The following TRDN variants were observed in gnomAD, a reference collection of about 807,000 sequenced individuals.
TRDN encodes triadin.
In TRDN, 161 loss-of-function variants were observed where a neutral mutation model predicts 149.7. That is an observed-to-expected ratio of 1.08 (90% CI 0.95 to 1.23). TRDN has a LOEUF of 1.23. Among genes scored for constraint, TRDN ranks in the 50% most tolerant of loss-of-function variants. The probability of loss-of-function intolerance (pLI) is 0.00; values close to 1 mark genes in which losing one functional copy is unlikely to be tolerated. For synonymous variants in TRDN, 294 were observed against 250.5 expected (o/e 1.17, Z -1.64); for missense variants, 896 against 823.5 (o/e 1.09, Z -1.08).
chr6:123,327,159 A>G (rs149609173), intron 23 of TRDN, among the ~76,000 whole-genome samples: 27 of 152,130 alleles, frequency 1.8e-4, no homozygotes, highest in African/African-American at 6.3e-4. Context: ...TCAATGATAC[A>G]TCTGTCATCT....
At chr6:123,434,265 T>C (rs1414466081) in intron 12 of TRDN, among the ~76,000 whole-genome samples, 1 of 152,192 alleles carries the variant, frequency 6.6e-6, no homozygotes, top group African/African-American at 2.4e-5. Context: ...TCCATTTCAC[T>C]CCACTTTCAC....
chr6:123,381,359 C>A lies in TRDN; in HGVS notation c.1186+11G>T, dbSNP rs1476535612. On this transcript the variant is annotated intron_variant, in intron 16 of 40. Coordinates refer to ENST00000334268, the MANE Select transcript of TRDN (RefSeq NM_006073.4). ...AAAAAGTACACAAATACACTGCATG[C>A]ATTTCCTTACTTTTTCCCTTGGGTT... 1.3e-6 allele frequency: 2 copies of A among 1,554,052 alleles called. No homozygotes were observed. Among genetic ancestry groups the A allele is most frequent in the Admixed American group, 1.9e-5 (1 of 51,844 alleles).
chr6:123,499,598 G>A (rs1221706733), intron 8 of TRDN, among the ~76,000 whole-genome samples: 11 of 149,056 alleles, frequency 7.4e-5, no homozygotes, highest in African/African-American at 2.2e-4. Context: ...CAGCTACTCC[G>A]GAGGCTGAGG....
intron 4 of TRDN, among the ~76,000 whole-genome samples, chr6:123,545,231 C>A (rs1428486943): frequency 1.3e-5 from 2 of 151,770 alleles, no homozygotes; most frequent in Non-Finnish European, 2.9e-5. Flanking sequence ...ACATTGCCCC[C>A]AAATTCCTTC....
chr6:123,487,434 A>G (rs1019338066), intron 9 of TRDN, among the ~76,000 whole-genome samples: 1 of 152,024 alleles, frequency 6.6e-6, no homozygotes, highest in African/African-American at 2.4e-5. Flanking sequence ...GGCTTCCTAA[A>G]GTTTACCCTT....
intron 1 of TRDN, among the ~76,000 whole-genome samples, chr6:123,577,675 G>A (rs979552950): frequency 6.6e-6 from 1 of 152,128 alleles, no homozygotes; most frequent in African/African-American, 2.4e-5. Context: ...GGATTGCTGG[G>A]TTGAATGAGT....
intron 24 of TRDN, among the ~76,000 whole-genome samples, chr6:123,307,426 C>T (rs890051369): frequency 1.3e-5 from 2 of 152,056 alleles, no homozygotes; most frequent in Non-Finnish European, 2.9e-5. Context: ...AACATGAAGA[C>T]AGTAAAAATA....
intron 10 of TRDN, among the ~76,000 whole-genome samples, chr6:123,457,370 T>G (rs2114679596): frequency 6.6e-6 from 1 of 152,320 alleles, no homozygotes; most frequent in African/African-American, 2.4e-5. Flanking sequence ...CTGCTTCCTC[T>G]TATGGATAGG....
intron 10 of TRDN, among the ~76,000 whole-genome samples, chr6:123,459,336 G>A (rs2114687234): frequency 6.6e-6 from 1 of 152,296 alleles, no homozygotes. Context: ...GTAAGACAAA[G>A]AGAGAGATCT....
intron 20 of TRDN, among the ~76,000 whole-genome samples, chr6:123,364,264 A>G (rs1781006839): frequency 6.6e-6 from 1 of 152,184 alleles, no homozygotes. Flanking sequence ...TGGATCAGCT[A>G]CCAGGAGTTC....
intron 33 of TRDN, among the ~76,000 whole-genome samples, chr6:123,262,488 C>T (rs527513054): frequency 1.4e-4 from 22 of 151,950 alleles, no homozygotes. Context: ...GATAGGCATT[C>T]CCTCATACAT....
At position 123,302,122 on chromosome 6, in the gene TRDN, C is replaced by T. The variant is rs1308819450; in HGVS notation, c.1510+14335G>A. Reference sequence around the variant, plus strand: ...TTCTCTTGCAGGATCACTATGGGAACTTTTAAATAGATATTATATTTATTC... The same window carrying T: ...TTCTCTTGCAGGATCACTATGGGAATTTTTAAATAGATATTATATTTATTC... On this transcript the variant is annotated intron_variant, in intron 24 of 40. Transcript: ENST00000334268. Among the ~76,000 whole-genome samples the T allele has an allele frequency of 2.0e-5, 3 of 151,228 alleles. No individual in the cohort carries two copies. The Admixed American group carries it at 2.0e-4, about 10-fold the overall frequency.
chr6:123,284,374 A>T (rs1289160543), intron 24 of TRDN, among the ~76,000 whole-genome samples: 1 of 151,942 alleles, frequency 6.6e-6, no homozygotes, highest in East Asian at 1.9e-4. Flanking sequence ...ACAAGTCAAT[A>T]AATATGATAT....
At chr6:123,365,523 T>C (rs1205471660) in intron 20 of TRDN, among the ~76,000 whole-genome samples, 1 of 152,070 alleles carries the variant, frequency 6.6e-6, no homozygotes. Context: ...TTAGGAGAAG[T>C]GGTTTTAGTG....
At chr6:123,527,290 C>T (rs1403511942) in intron 5 of TRDN, among the ~76,000 whole-genome samples, 2 of 151,960 alleles carry the variant, frequency 1.3e-5, no homozygotes, top group African/African-American at 4.8e-5. Context: ...ATAACATTCT[C>T]TTTAATTCTT....
rs143968896 is a variant in TRDN, at chr6:123,270,894, A to G, written c.1720+245T>C. Among the ~76,000 whole-genome samples, 653 of 152,134 alleles carry G rather than the reference A, an allele frequency of 4.3e-3. 3 individuals carry two copies. Among genetic ancestry groups the G allele is most frequent in the Non-Finnish European group, 6.6e-3 (446 of 67,952 alleles). On this transcript the variant is annotated intron_variant, in intron 30 of 40. Coordinates refer to ENST00000334268, the MANE Select transcript of TRDN (RefSeq NM_006073.4). Reference sequence around the variant, plus strand: ...ATAGATTTTCTCATGAATTACACATAAGCTTAGCTCAATCACACTTAAAGT... The same window carrying G: ...ATAGATTTTCTCATGAATTACACATGAGCTTAGCTCAATCACACTTAAAGT...
Position 123,503,735 on chromosome 6 carries a change from T to G in TRDN, c.777A>C (p.Ser259=). The change falls in exon 8 of 41, where the codon TCA becomes TCC. Residue 259 remains serine, a synonymous_variant. Coordinates refer to ENST00000334268, the MANE Select transcript of TRDN (RefSeq NM_006073.4). ...AATGTTTACCTTTCTGTTCATGCTT[T>G]GACACAGCTGCTTTCTCTTTGTCCT... ...EKEDKEKAAV[S]KHEQKDQYAF... is the part of the protein sequence containing the mutation. 6.2e-7 allele frequency: 1 copy of G among 1,613,764 alleles called. No individual in the cohort carries two copies. Among genetic ancestry groups the G allele is most frequent in the Non-Finnish European group, 8.5e-7 (1 of 1,179,806 alleles).
chr6:123,334,744 T>A (rs1379339941), intron 22 of TRDN, among the ~76,000 whole-genome samples: 1 of 151,970 alleles, frequency 6.6e-6, no homozygotes, highest in Non-Finnish European at 1.5e-5. Flanking sequence ...GAACTCTATA[T>A]GTCCTTACTT....
chr6:123,615,759 G>A (rs1382579541), intron 1 of TRDN, among the ~76,000 whole-genome samples: 1 of 152,140 alleles, frequency 6.6e-6, no homozygotes, highest in Non-Finnish European at 1.5e-5. Context: ...GTGTGGGGAT[G>A]TGAGGATAGC....
Sources: gnomAD v4.1 joint callset for allele counts (sites outside exome capture counted in the v4.1 genomes callset) on GRCh38, gnomAD v4.1.1 for gene constraint, MANE v1.5 for transcripts, NCBI Gene and HGNC (gene_info 2026-07-23, HGNC 2026-07-21) for gene names.